The following PCP4 variants were observed in gnomAD, a reference collection of about 807,000 sequenced individuals.
PCP4 encodes Purkinje cell protein 4, also known as calmodulin regulator protein PCP4.
Under a neutral mutation model 10.0 loss-of-function variants are expected in PCP4, and 8 were observed. The ratio of observed to expected loss-of-function variants is 0.80; its 90% confidence interval spans 0.47 to 1.45. The LOEUF (loss-of-function observed/expected upper bound fraction) is 1.45. Among genes scored for constraint, PCP4 ranks in the 40% most tolerant of loss-of-function variants. The pLI is 0.00. For synonymous variants in PCP4, 21 were observed against 23.0 expected, an observed-to-expected ratio of 0.91 and a Z score of 0.24; for missense variants, 54 against 74.4, an observed-to-expected ratio of 0.73 and a Z score of 1.01.
At chr21:39,924,002 A>G (rs2146351629) in intron 2 of PCP4, among the ~76,000 whole-genome samples, 1 of 152,256 alleles carries the variant, frequency 6.6e-6, no homozygotes, top group South Asian at 2.1e-4. Context: ...TCTGCCTTGT[A>G]TTTCTGAGCT....
intron 2 of PCP4, among the ~76,000 whole-genome samples, chr21:39,915,426 T>C (rs1350399740): frequency 6.6e-6 from 1 of 152,202 alleles, no homozygotes; most frequent in Admixed American, 6.5e-5. Context: ...TCCTGATGAA[T>C]TATACACTGA....
chr21:39,888,995 T>C (rs1332257993), intron 1 of PCP4, among the ~76,000 whole-genome samples: 2 of 152,208 alleles, frequency 1.3e-5, no homozygotes, highest in East Asian at 1.9e-4. Context: ...TCCTGTGCCG[T>C]AGCCGTGAGA....
At chr21:39,876,749 C>T (rs2087348058) in intron 1 of PCP4, among the ~76,000 whole-genome samples, 1 of 152,208 alleles carries the variant, frequency 6.6e-6, no homozygotes, top group African/African-American at 2.4e-5. Context: ...GTCTTCTTTA[C>T]CATGAGTGTT....
intron 2 of PCP4, among the ~76,000 whole-genome samples, chr21:39,903,077 G>A (rs564066591): frequency 1.4e-4 from 21 of 152,134 alleles, no homozygotes; most frequent in Admixed American, 3.9e-4. Context: ...CTGGTTGTCC[G>A]GAGAGACTCC....
At chr21:39,910,291 G>A (rs2087533364) in intron 2 of PCP4, among the ~76,000 whole-genome samples, 1 of 152,138 alleles carries the variant, frequency 6.6e-6, no homozygotes, top group Admixed American at 6.5e-5. Context: ...CCTGGCCTGT[G>A]TAGGAGGGCA....
chr21:39,871,955 T>C (rs1010347266), intron 1 of PCP4, among the ~76,000 whole-genome samples: 6 of 152,212 alleles, frequency 3.9e-5, no homozygotes, highest in African/African-American at 1.4e-4. Flanking sequence ...GTTTTTGTAA[T>C]GGAAAGTTTC....
At chr21:39,897,566 C>T (rs1049683275) in intron 1 of PCP4, among the ~76,000 whole-genome samples, 4 of 152,046 alleles carry the variant, frequency 2.6e-5, no homozygotes, top group Non-Finnish European at 5.9e-5. Context: ...GCATTTCACG[C>T]GGCTCCCCAG....
chr21:39,924,934 G>A (rs1454340259), intron 2 of PCP4, among the ~76,000 whole-genome samples: 3 of 152,202 alleles, frequency 2.0e-5, no homozygotes, highest in South Asian at 2.1e-4. Flanking sequence ...GTTCTGCTGG[G>A]TCCCCACAGG....
At chr21:39,920,308 TTGATGTG>T (rs1224319392) in intron 2 of PCP4, among the ~76,000 whole-genome samples, 28 of 141,194 alleles carry the variant, frequency 2.0e-4, no homozygotes, top group African/African-American at 6.4e-4. Context: ...TGGTGTGTAT[TTGATGTG>T]TGATGTGTGA....
chr21:39,911,423 G>A (rs2087539464), intron 2 of PCP4, among the ~76,000 whole-genome samples: 1 of 152,198 alleles, frequency 6.6e-6, no homozygotes, highest in Non-Finnish European at 1.5e-5. Flanking sequence ...CTGGCCTCGA[G>A]GTGAGCACAG....
At chr21:39,926,296 C>G (rs2087621089) in intron 2 of PCP4, 1 of 247,744 alleles carries the variant, frequency 4.0e-6, no homozygotes, top group Admixed American at 5.0e-5. Flanking sequence ...AAATTGATTT[C>G]TGTGAACTGT....
At chr21:39,916,081 G>A (rs1378898738) in intron 2 of PCP4, 1 of 152,116 alleles carries the variant, frequency 6.6e-6, no homozygotes, top group African/African-American at 2.4e-5. Context: ...GTGTGAAGAA[G>A]GGCAAACTGT....
At chr21:39,877,380 C>T (rs747825286) in intron 1 of PCP4, among the ~76,000 whole-genome samples, 11 of 152,106 alleles carry the variant, frequency 7.2e-5, no homozygotes, top group Non-Finnish European at 1.6e-4. Context: ...TAATGCTTCC[C>T]TGTGGAATGT....
intron 2 of PCP4, among the ~76,000 whole-genome samples, chr21:39,903,572 A>G (rs1005425430): frequency 3.3e-5 from 5 of 152,092 alleles, no homozygotes; most frequent in Non-Finnish European, 1.5e-5. Flanking sequence ...AGTACTTAAG[A>G]CTTAGTTTGA....
At chr21:39,914,670 G>GT (rs2087560195) in intron 2 of PCP4, among the ~76,000 whole-genome samples, 1 of 151,994 alleles carries the variant, frequency 6.6e-6, no homozygotes, top group East Asian at 1.9e-4. Flanking sequence ...TTCAAGTGAG[G>GT]TTCTTATATT....
chr21:39,905,922 T>C (rs1311069407), intron 2 of PCP4, among the ~76,000 whole-genome samples: 4 of 152,132 alleles, frequency 2.6e-5, no homozygotes, highest in Admixed American at 6.5e-5. Flanking sequence ...TGGTGGTGGC[T>C]GCCTGTAGTC....
chr21:39,900,389 A>G (rs2087477377), intron 2 of PCP4, among the ~76,000 whole-genome samples: 1 of 152,134 alleles, frequency 6.6e-6, no homozygotes, highest in Admixed American at 6.6e-5. Context: ...GAGGACCCCA[A>G]AGAACTTTTG....
At position 39,867,444 on chromosome 21, in the gene PCP4, C is replaced by T. The variant is rs2087299877; in HGVS notation, c.-58C>T. On this transcript the variant is annotated 5_prime_UTR_variant, in exon 1 of 3. Transcript: ENST00000328619. ...AAGCCAGAACCGGTGGAGCAGCGAC[C>T]CCTGAGCAGTGTTCTCTGTGCTGAG... 1.9e-6 allele frequency: 3 copies of T among 1,607,118 alleles called. No individual in the cohort carries two copies. Among genetic ancestry groups the T allele is most frequent in the Non-Finnish European group, 2.6e-6 (3 of 1,173,724 alleles).
rs116817769 is a variant in PCP4, at chr21:39,920,869, A to C, written c.62-8115A>C. Among the ~76,000 whole-genome samples, 759 of 152,310 alleles carry C rather than the reference A, an allele frequency of 5.0e-3. 9 individuals are homozygous for C. Among genetic ancestry groups the C allele is most frequent in the African/African-American group, 0.017 (724 of 41,572 alleles). ...GTGAAGAGCCCTGGCTGCCGCCCCC[A>C]TCCTGGTTGGCCTCACTGTGGGGCT... On this transcript the variant is annotated intron_variant, in intron 2 of 2. Transcript: ENST00000328619.
Sources: allele counts gnomAD v4.1 joint callset (sites outside exome capture counted in the v4.1 genomes callset), GRCh38; gene constraint gnomAD v4.1.1; transcripts MANE v1.5; gene names NCBI Gene and HGNC (gene_info 2026-07-23, HGNC 2026-07-21).